The following WHAMM variants were observed in gnomAD, a reference collection of about 807,000 sequenced individuals.
The protein encoded by WHAMM is WASP homolog associated with actin, golgi membranes and microtubules.
Under a neutral mutation model 76.5 loss-of-function variants are expected in WHAMM, and 67 were observed. The observed-to-expected ratio is 0.88, with a 90% CI of 0.72 to 1.07. The LOEUF is 1.07. Ranked by LOEUF, WHAMM falls within the 50% of genes least tolerant of loss-of-function variation. The pLI is 0.00. For synonymous variants in WHAMM, 419 were observed against 422.1 expected, an observed-to-expected ratio of 0.99 and a Z score of 0.09; for missense variants, 1,021 against 1,051.1, an observed-to-expected ratio of 0.97 and a Z score of 0.40.
intron 6 of WHAMM, 107 bp downstream of exon 6, chr15:82,823,394 T>G: frequency 1.0e-6 from 1 of 989,804 alleles, no homozygotes; most frequent in Non-Finnish European, 1.3e-6. Context: ...AGTGATTACA[T>G]TTTGTGTGCT....
At chr15:82,825,983 C>T (rs775723259) in intron 6 of WHAMM, among the ~76,000 whole-genome samples, 19 of 152,082 alleles carry the variant, frequency 1.2e-4, no homozygotes, top group Admixed American at 2.6e-4. Flanking sequence ...TGGTACAGTG[C>T]GTGGTTAAGC....
At position 82,810,126 on chromosome 15, in the gene WHAMM, C is replaced by A; in HGVS notation, c.400C>A (p.Arg134Ser). The part of the protein sequence containing the change: ...LGLWALLWPT[R>S]AGPGEAALQE... ...GCTGTGGGCGCTGCTGTGGCCGACG[C>A]GCGCGGGTCCCGGCGAGGCGGCGCT... The change falls in exon 1 of 10, where the codon CGC becomes AGC. Residue 134 changes from arginine (R) to serine (S), a missense_variant. This residue lies in a region of WHAMM where 501 missense variants were observed against 524.9 expected (regional missense o/e 0.95). Transcript: ENST00000286760. 7.4e-7 allele frequency: 1 copy of A among 1,349,832 alleles called. No homozygotes were observed. Among genetic ancestry groups the A allele is most frequent in the African/African-American group, 1.5e-5 (1 of 65,198 alleles). The allele number at this position is 1,349,832 out of a possible 1,614,324, so 83.6% of individuals were successfully genotyped here. A position where few individuals can be genotyped will look rare whatever the true frequency, so the allele number is the denominator to read the frequency against.
intron 6 of WHAMM, 114 bp from the exon 7 acceptor site, chr15:82,826,296 T>C: frequency 9.2e-7 from 1 of 1,084,848 alleles, no homozygotes; most frequent in Non-Finnish European, 1.4e-6. Context: ...CCAGAACTAA[T>C]ATTAATGAAT....
intron 9 of WHAMM, among the ~76,000 whole-genome samples, chr15:82,832,815 C>G (rs2051052783): frequency 6.6e-6 from 1 of 152,128 alleles, no homozygotes; most frequent in Admixed American, 6.5e-5. Context: ...TTTCTTTTAG[C>G]TGGACAGGGT....
At chr15:82,811,443 C>G (rs1461095309) in intron 1 of WHAMM, among the ~76,000 whole-genome samples, 1 of 152,130 alleles carries the variant, frequency 6.6e-6, no homozygotes, top group Admixed American at 6.5e-5. Flanking sequence ...TAAAATCGAA[C>G]ATGTTTATGA....
At position 82,813,216 on chromosome 15, in the gene WHAMM, C is replaced by G. The variant is rs764963210; in HGVS notation, c.723C>G (p.Tyr241Ter). The change falls in exon 2 of 10, where the codon TAC becomes TAG. Residue 241 changes from tyrosine to a stop codon, truncating the protein, a stop_gained. Coordinates refer to ENST00000286760, the MANE Select transcript of WHAMM (RefSeq NM_001080435.3). LOFTEE classifies it high-confidence loss of function. ...LVTVATMFFQ[Y>*]LLQPFRAMRE... ...CCGTGGCAACCATGTTCTTCCAGTA[C>G]TTATTGCAGCCATTTAGGGCTATGC... is the stretch of plus-strand genomic sequence containing the variant. 6.2e-7 allele frequency: 1 copy of G among 1,611,988 alleles called. No homozygotes were observed. Among genetic ancestry groups the G allele is most frequent in the Non-Finnish European group, 8.5e-7 (1 of 1,179,244 alleles).
intron 8 of WHAMM, among the ~76,000 whole-genome samples, chr15:82,830,304 A>G (rs1189094204): frequency 6.6e-6 from 1 of 151,572 alleles, no homozygotes; most frequent in Non-Finnish European, 1.5e-5. Flanking sequence ...GTATTTTAGC[A>G]TTTCTAATTT....
intron 1 of WHAMM, among the ~76,000 whole-genome samples, chr15:82,812,173 G>A (rs778634528): frequency 2.6e-5 from 4 of 152,190 alleles, no homozygotes; most frequent in Non-Finnish European, 5.9e-5. Context: ...GGGGCATTAA[G>A]AGAATCAACA....
chr15:82,815,043 T>A lies in WHAMM; in HGVS notation c.784-1649T>A, dbSNP rs568910078. On this transcript the variant is annotated intron_variant, in intron 2 of 9. Coordinates refer to ENST00000286760, the MANE Select transcript of WHAMM (RefSeq NM_001080435.3). ...TCTCGGCCTCCCAGAGTGCTGGGAT[T>A]ACAGGCGTGAGCCACCGCACCCGGC... is the stretch of plus-strand genomic sequence containing the variant. Among the ~76,000 whole-genome samples, 4 of 146,708 alleles carry A rather than the reference T, an allele frequency of 2.7e-5. No homozygotes were observed. The South Asian group carries it at 6.4e-4, about 24-fold the overall frequency.
Position 82,831,081 on chromosome 15 carries a change from T to G in WHAMM, c.2122+2T>G. 6.2e-7 allele frequency: 1 copy of G among 1,603,022 alleles called. No homozygotes were observed. Among genetic ancestry groups the G allele is most frequent in the Non-Finnish European group, 8.5e-7 (1 of 1,178,782 alleles). ...CCTTGGAAAGTTTTTCATGTCCAGG[T>G]AATCCACTGGAATTCTGTCCCTGCT... On this transcript the variant is annotated splice_donor_variant, in intron 9 of 9. Coordinates refer to ENST00000286760, the MANE Select transcript of WHAMM (RefSeq NM_001080435.3). LOFTEE classifies it high-confidence loss of function.
chr15:82,832,362 A>T (rs954385617), intron 9 of WHAMM, among the ~76,000 whole-genome samples: 1 of 152,206 alleles, frequency 6.6e-6, no homozygotes, highest in Admixed American at 6.5e-5. Flanking sequence ...CGGCCTTTCA[A>T]TCCTGAACTA....
intron 4 of WHAMM, 93 bp downstream of exon 4, chr15:82,818,182 T>C (rs552847372): frequency 3.4e-5 from 46 of 1,355,550 alleles, no homozygotes; most frequent in Non-Finnish European, 4.5e-5. Context: ...CAGTTTTTGT[T>C]CCATGGATAT....
chr15:82,816,708 A>T lies in WHAMM; in HGVS notation c.800A>T (p.Asp267Val). The change falls in exon 3 of 10, where the codon GAT becomes GTT. Residue 267 changes from aspartate (D) to valine (V), a missense_variant. This residue lies in a region of WHAMM where 501 missense variants were observed against 524.9 expected (regional missense o/e 0.95). Transcript: ENST00000286760. ...KLDILKSLDE[D>V]DLGPRRVVAL... The stretch of plus-strand genomic sequence containing the variant: ...TGTCTGTAGAAGTCTTTGGATGAGG[A>T]TGACCTAGGTCCTAGAAGGGTAGTT... The T allele has an allele frequency of 1.3e-6, 2 of 1,554,814 alleles. No individual in the cohort carries two copies. The highest frequency in any genetic ancestry group is 4.8e-5 in the East Asian group (2 of 41,772).
rs543368780 is a variant in WHAMM, at chr15:82,833,940, C to T, written c.*404C>T. On this transcript the variant is annotated 3_prime_UTR_variant, in exon 10 of 10. Coordinates refer to ENST00000286760, the MANE Select transcript of WHAMM (RefSeq NM_001080435.3). ...TTTTTTAGTAGAGACGAGGTTTCAC[C>T]GTGTTAGCCAGGATGGTCTCGATCT... 90 of 176,612 alleles carry T rather than the reference C, an allele frequency of 5.1e-4. No homozygotes were observed. Among genetic ancestry groups the T allele is most frequent in the Non-Finnish European group, 6.0e-4 (49 of 81,242 alleles). 10.9% of individuals were successfully genotyped at this position (176,612 alleles called of 1,614,324 possible). A position where few individuals can be genotyped will look rare whatever the true frequency, so the allele number is the denominator to read the frequency against.
intron 3 of WHAMM, 139 bp downstream of exon 3, chr15:82,816,981 T>G (rs571181634): frequency 9.5e-5 from 80 of 840,424 alleles, no homozygotes; most frequent in Non-Finnish European, 1.4e-4. Flanking sequence ...TAAGAGACGT[T>G]GTACAGTCTG....
chr15:82,832,980 T>G (rs1306208547), intron 9 of WHAMM, among the ~76,000 whole-genome samples: 1 of 152,182 alleles, frequency 6.6e-6, no homozygotes, highest in Non-Finnish European at 1.5e-5. Context: ...TCTGTTCCTG[T>G]CAGTTGCTAT....
rs113067157 is a variant in WHAMM, at chr15:82,815,879, G to C, written c.784-813G>C. 4.4e-3 allele frequency among the ~76,000 whole-genome samples: 677 copies of C among 152,276 alleles called. 6 individuals are homozygous for C. Among genetic ancestry groups the C allele is most frequent in the African/African-American group, 0.016 (655 of 41,560 alleles). On this transcript the variant is annotated intron_variant, in intron 2 of 9. Transcript: ENST00000286760. ...CATATTGGATGACATAGCAGTACACGTCTTAGTTCAGGCTGTTATAACAAA... is the reference window on the plus strand; with the variant it reads ...CATATTGGATGACATAGCAGTACACCTCTTAGTTCAGGCTGTTATAACAAA...
In WHAMM at chr15:82,819,415, T is replaced by A. The variant is rs2050782170; in HGVS notation, c.1197T>A (p.Val399=). 1 of 1,242,926 alleles carries A rather than the reference T, an allele frequency of 8.0e-7. No homozygotes were observed. Among genetic ancestry groups the A allele is most frequent in the African/African-American group, 1.6e-5 (1 of 62,980 alleles). 77.0% of individuals were successfully genotyped at this position (1,242,926 alleles called of 1,614,324 possible). ...FYEIQLELYE[V]KFEILKNEEI... ...AAATTCAATTAGAACTATATGAAGT[T>A]AAATTTGAGATATTAAAAAACGAAG... The change falls in exon 5 of 10, where the codon GTT becomes GTA. Residue 399 remains valine (V), a synonymous_variant. Coordinates refer to ENST00000286760, the MANE Select transcript of WHAMM (RefSeq NM_001080435.3).
intron 8 of WHAMM, among the ~76,000 whole-genome samples, chr15:82,827,954 A>T (rs1775761765): frequency 6.6e-6 from 1 of 152,194 alleles, no homozygotes. Flanking sequence ...TCTCAAAAAA[A>T]AAAAGTAAAT....
Sources: allele counts gnomAD v4.1 joint callset (sites outside exome capture counted in the v4.1 genomes callset), GRCh38; gene constraint gnomAD v4.1.1; regional missense constraint gnomAD v4.1.1; transcripts MANE v1.5; gene names NCBI Gene and HGNC (gene_info 2026-07-23, HGNC 2026-07-21).